The following ABAT variants were observed in gnomAD, a reference collection of about 807,000 sequenced individuals.
The protein encoded by ABAT is 4-aminobutyrate aminotransferase.
In ABAT, 45 loss-of-function variants were observed where a neutral mutation model predicts 64.6. The observed-to-expected ratio is 0.70, with a 90% CI of 0.55 to 0.89. The LOEUF (loss-of-function observed/expected upper bound fraction) is 0.89. Ranked by LOEUF, ABAT falls within the 40% of genes least tolerant of loss-of-function variation. The probability of loss-of-function intolerance (pLI) is 0.00; values close to 1 mark genes in which losing one functional copy is unlikely to be tolerated. For missense variants in ABAT, 633 were observed against 658.4 expected (o/e 0.96, Z 0.42); for synonymous variants, 297 against 250.5 (o/e 1.19, Z -1.75).
At chr16:8,710,124 G>T (rs59397398) in intron 1 of ABAT, among the ~76,000 whole-genome samples, 2,363 of 152,142 alleles carry the variant, frequency 0.016, 60 homozygotes, top group African/African-American at 0.053. Flanking sequence ...GTTAACCTTT[G>T]TGTGCCTCCA....
At chr16:8,773,958 T>G (rs1013633290) in intron 12 of ABAT, among the ~76,000 whole-genome samples, 17 of 152,188 alleles carry the variant, frequency 1.1e-4, no homozygotes, top group Non-Finnish European at 2.4e-4. Flanking sequence ...TGAGACAGTC[T>G]CACTCTGTTG....
At chr16:8,754,407 G>C (rs2059582782) in intron 5 of ABAT, among the ~76,000 whole-genome samples, 1 of 151,986 alleles carries the variant, frequency 6.6e-6, no homozygotes, top group Admixed American at 6.6e-5. Context: ...TCTGAGATTA[G>C]CCGGTGACTG....
Position 8,772,911 on chromosome 16 carries a change from C to T in ABAT, c.948C>T (p.Ala316=). The change falls in exon 12 of 16, where the codon GCC becomes GCT. Residue 316 remains alanine (A), a synonymous_variant. Coordinates refer to ENST00000268251, the MANE Select transcript of ABAT (RefSeq NM_020686.6). ...DDFFRKLRDI[A]RKHGCAFLVD... is the part of the protein sequence containing the mutation. ...TCTTTCGGAAGCTGAGAGACATCGCCAGGAAGGTCAGTGGACAGGGCCGAG... is the reference window on the plus strand; with the variant it reads ...TCTTTCGGAAGCTGAGAGACATCGCTAGGAAGGTCAGTGGACAGGGCCGAG... 6.2e-7 allele frequency: 1 copy of T among 1,613,688 alleles called. No individual in the cohort carries two copies. Among genetic ancestry groups the T allele is most frequent in the Non-Finnish European group, 8.5e-7 (1 of 1,179,986 alleles).
In ABAT at chr16:8,731,185, A is replaced by T. The variant is rs144575165; in HGVS notation, c.-41-4514A>T. Among the ~76,000 whole-genome samples, 811 of 152,032 alleles carry T rather than the reference A, an allele frequency of 5.3e-3. 10 individuals are homozygous for T. Among genetic ancestry groups the T allele is most frequent in the African/African-American group, 0.019 (776 of 41,452 alleles). ...ACTGTGTTGGCCATGCTGATCTCGA[A>T]CTCCTGACCTCAAGTGATCCACCTG... is the stretch of plus-strand genomic sequence containing the variant. On this transcript the variant is annotated intron_variant, in intron 1 of 15. Coordinates refer to ENST00000268251, the MANE Select transcript of ABAT (RefSeq NM_020686.6).
At chr16:8,765,500 T>C (rs548388723) in intron 8 of ABAT, among the ~76,000 whole-genome samples, 1 of 151,428 alleles carries the variant, frequency 6.6e-6, no homozygotes, top group Non-Finnish European at 1.5e-5. Context: ...CCCGTCTCTA[T>C]AAAATATACA....
At chr16:8,685,775 G>T (rs2057441661) in intron 1 of ABAT, among the ~76,000 whole-genome samples, 1 of 152,188 alleles carries the variant, frequency 6.6e-6, no homozygotes, top group Admixed American at 6.5e-5. Context: ...ATGAGGAGTG[G>T]CAAGAGGAGG....
intron 1 of ABAT, chr16:8,722,959 C>G (rs751148354): frequency 1.7e-5 from 17 of 989,820 alleles, no homozygotes; most frequent in Non-Finnish European, 2.4e-5. Context: ...TGTGATCCAG[C>G]CAGGCAAGGT....
chr16:8,762,275 C>A (rs2059820186), intron 6 of ABAT, among the ~76,000 whole-genome samples: 1 of 152,246 alleles, frequency 6.6e-6, no homozygotes, highest in Admixed American at 6.5e-5. Flanking sequence ...ATGCACATAG[C>A]ACAGCAGGCC....
intron 6 of ABAT, among the ~76,000 whole-genome samples, chr16:8,760,597 G>C (rs1003102588): frequency 1.3e-5 from 2 of 152,264 alleles, no homozygotes; most frequent in Non-Finnish European, 2.9e-5. Flanking sequence ...GAGGCCCACT[G>C]AGGCCGGAGG....
chr16:8,720,478 G>A (rs930206414), intron 1 of ABAT, among the ~76,000 whole-genome samples: 1 of 152,258 alleles, frequency 6.6e-6, no homozygotes, highest in Non-Finnish European at 1.5e-5. Flanking sequence ...CAGGTGATAG[G>A]AAGTCATGCC....
rs560095450 is a variant in ABAT at position 8,767,562 on chromosome 16, A to G, written c.604-631A>G. Among the ~76,000 whole-genome samples, 7 of 152,334 alleles carry G rather than the reference A, an allele frequency of 4.6e-5. No individual in the cohort carries two copies. In the South Asian group the frequency reaches 1.2e-3, roughly 27 times the overall value. On this transcript the variant is annotated intron_variant, in intron 9 of 15. Transcript: ENST00000268251. ...CCCCAGCAGCTGGAGGTAGGCGGGC[A>G]GTGGGTACTGCTTGGCCACTTACAG...
At chr16:8,690,482 T>C (rs563176672) in intron 1 of ABAT, among the ~76,000 whole-genome samples, 1 of 152,342 alleles carries the variant, frequency 6.6e-6, no homozygotes, top group African/African-American at 2.4e-5. Context: ...TTCTACATTT[T>C]TTGTGGTACT....
chr16:8,748,259 A>T (rs1040145478), intron 4 of ABAT, 122 bp downstream of exon 4: 2 of 867,296 alleles, frequency 2.3e-6, no homozygotes, highest in African/African-American at 1.7e-5. Context: ...TGTTCTAAAC[A>T]TTTTTTCTCA....
chr16:8,723,664 C>A (rs1162658799), intron 1 of ABAT, among the ~76,000 whole-genome samples: 1 of 151,832 alleles, frequency 6.6e-6, no homozygotes, highest in Non-Finnish European at 1.5e-5. Flanking sequence ...ATCCATTATC[C>A]CTAATTCCCA....
At chr16:8,772,625 C>G (rs1259939800) in intron 11 of ABAT, among the ~76,000 whole-genome samples, 155 bp from the exon 12 acceptor site, 1 of 152,236 alleles carries the variant, frequency 6.6e-6, no homozygotes, top group Non-Finnish European at 1.5e-5. Context: ...CATCCACACA[C>G]ATAGCTTCTA....
In ABAT at chr16:8,774,983, G is replaced by A; in HGVS notation, c.1048G>A (p.Ala350Thr). Residue 350 changes from alanine to threonine, a missense_variant, in exon 13 of 16, where the codon GCA becomes ACA. By Grantham distance (58) the Ala-to-Thr change is moderately conservative. Transcript: ENST00000268251. ...TGAGCACTGGGGCCTGGATGACCCA[G>A]CAGACGTGATGACCTTCAGCAAGAA... The part of the protein sequence containing the change: ...AHEHWGLDDP[A>T]DVMTFSKKMM... 6.2e-7 allele frequency: 1 copy of A among 1,614,246 alleles called. No individual in the cohort carries two copies. The highest frequency in any genetic ancestry group is 2.2e-5 in the East Asian group (1 of 44,888).
At chr16:8,681,612 A>G (rs956947955) in intron 1 of ABAT, among the ~76,000 whole-genome samples, 6 of 150,276 alleles carry the variant, frequency 4.0e-5, no homozygotes, top group Admixed American at 4.0e-4. Flanking sequence ...TTTCTGCATT[A>G]GAGTGGCCCC....
At chr16:8,681,594 A>T (rs1000884072) in intron 1 of ABAT, among the ~76,000 whole-genome samples, 1 of 149,442 alleles carries the variant, frequency 6.7e-6, no homozygotes, top group Non-Finnish European at 1.5e-5. Context: ...TTAGGTTGAA[A>T]TGAGGTCTTT....
intron 1 of ABAT, among the ~76,000 whole-genome samples, chr16:8,701,826 G>A (rs2057830004): frequency 6.6e-6 from 1 of 152,088 alleles, no homozygotes; most frequent in Non-Finnish European, 1.5e-5. Context: ...CTCTGTGGAA[G>A]AGATTTTTGG....
Sources: gnomAD v4.1 joint callset for allele counts (sites outside exome capture counted in the v4.1 genomes callset) on GRCh38, gnomAD v4.1.1 for gene constraint, MANE v1.5 for transcripts, NCBI Gene and HGNC (gene_info 2026-07-23, HGNC 2026-07-21) for gene names.